The following UBE2F variants were observed in gnomAD, a reference collection of about 807,000 sequenced individuals.
UBE2F encodes ubiquitin conjugating enzyme E2 F (putative), also known as NEDD8-conjugating enzyme UBE2F.
In UBE2F, 5 loss-of-function variants were observed where a neutral mutation model predicts 29.6. The ratio of observed to expected loss-of-function variants is 0.17; its 90% CI spans 0.09 to 0.36. The LOEUF (loss-of-function observed/expected upper bound fraction) is 0.36, where lower values mean the gene tolerates loss of function less well. UBE2F is among the 10% of genes least tolerant of loss of function. The probability of loss-of-function intolerance (pLI) is 1.00; values close to 1 mark genes in which losing one functional copy is unlikely to be tolerated. For missense variants in UBE2F, 141 were observed against 228.5 expected (o/e 0.62, Z 2.47); for synonymous variants, 66 against 81.8 (o/e 0.81, Z 1.04).
chr2:238,014,963 G>T (rs1017432267), intron 4 of UBE2F, among the ~76,000 whole-genome samples: 1 of 152,138 alleles, frequency 6.6e-6, no homozygotes. Context: ...CTAGAAATAC[G>T]CATCTCAAGT....
intron 3 of UBE2F, chr2:237,990,304 AT>A: frequency 2.5e-6 from 1 of 403,902 alleles, no homozygotes. Context: ...TTATTAGGAC[AT>A]TTTCCTAATA....
chr2:237,994,865 C>T, intron 4 of UBE2F, 56 bp downstream of exon 4: 2 of 1,397,736 alleles, frequency 1.4e-6, no homozygotes, highest in South Asian at 2.3e-5. Flanking sequence ...ATAAAGGCTG[C>T]CCAAACCTGT....
At chr2:237,976,389 T>C (rs886728088) in intron 2 of UBE2F, among the ~76,000 whole-genome samples, 14 of 152,244 alleles carry the variant, frequency 9.2e-5, no homozygotes, top group African/African-American at 3.4e-4. Context: ...TAGTAGCTAA[T>C]AGGAGCTTTT....
chr2:237,986,701 A>C (rs1435021337), intron 2 of UBE2F, among the ~76,000 whole-genome samples: 1 of 152,224 alleles, frequency 6.6e-6, no homozygotes, highest in African/African-American at 2.4e-5. Context: ...ATGGTATAAG[A>C]TAAGAAGCCA....
intron 2 of UBE2F, among the ~76,000 whole-genome samples, chr2:237,976,542 G>C (rs1331769912): frequency 6.6e-6 from 1 of 152,200 alleles, no homozygotes; most frequent in Non-Finnish European, 1.5e-5. Flanking sequence ...AGTAGGATTG[G>C]TATCTGGTAC....
chr2:238,024,681 C>T (rs1427727336), intron 5 of UBE2F, among the ~76,000 whole-genome samples: 1 of 152,040 alleles, frequency 6.6e-6, no homozygotes, highest in Non-Finnish European at 1.5e-5. Context: ...CCAAAGTGAG[C>T]CACCATGCCC....
At chr2:238,026,033 A>G (rs1020040209) in intron 6 of UBE2F, among the ~76,000 whole-genome samples, 33 of 152,100 alleles carry the variant, frequency 2.2e-4, no homozygotes, top group African/African-American at 8.0e-4. Context: ...TTTTAAAGTA[A>G]GTTTCACATT....
intron 5 of UBE2F, among the ~76,000 whole-genome samples, chr2:238,021,334 C>T (rs1400502741): frequency 1.3e-5 from 2 of 152,196 alleles, no homozygotes; most frequent in African/African-American, 4.8e-5. Context: ...CCCACTCTCC[C>T]TTCTTCTTCA....
intron 1 of UBE2F, chr2:237,968,853 A>C (rs1012032060): frequency 3.0e-6 from 3 of 985,174 alleles, no homozygotes; most frequent in Admixed American, 6.1e-5. Flanking sequence ...GTTTTAAACC[A>C]GATCTTCAAG....
At chr2:238,035,203 C>G (rs1038046797) in intron 8 of UBE2F, 1 of 149,610 alleles carries the variant, frequency 6.7e-6, no homozygotes, top group Non-Finnish European at 1.5e-5. Flanking sequence ...GGCAAGCCCC[C>G]TGATTCTCAA....
chr2:237,979,892 C>T (rs1159565461), intron 2 of UBE2F, among the ~76,000 whole-genome samples: 2 of 152,232 alleles, frequency 1.3e-5, no homozygotes, highest in Non-Finnish European at 2.9e-5. Context: ...TACAGCCTTG[C>T]TCCTCCAGAG....
chr2:237,986,030 T>C, intron 2 of UBE2F: 1 of 208,828 alleles, frequency 4.8e-6, no homozygotes, highest in East Asian at 1.4e-4. Flanking sequence ...ATTTTTAATT[T>C]TTTTTTGCTA....
Position 237,967,239 on chromosome 2 carries a change from G to GGCCCGCCGGGTTCCTCAC in UBE2F, c.-17+111_-17+128dup, listed in dbSNP as rs2063073827. The GGCCCGCCGGGTTCCTCAC allele has an allele frequency of 1.3e-6, 1 of 779,692 alleles. No individual in the cohort carries two copies. Among genetic ancestry groups the GGCCCGCCGGGTTCCTCAC allele is most frequent in the Non-Finnish European group, 1.6e-6 (1 of 643,116 alleles). 48.3% of individuals were successfully genotyped at this position (779,692 alleles called of 1,614,324 possible). ...CGCGGGCGGTGGCGGGGCCGCCTCGGGCCCGCCGGGTTCCTCACGCCGGGG... is the reference window on the plus strand; with the variant it reads ...CGCGGGCGGTGGCGGGGCCGCCTCGGGCCCGCCGGGTTCCTCACGCCCGCCGGGTTCCTCACGCCGGGG... On this transcript the variant is annotated intron_variant, in intron 1 of 9. Coordinates refer to ENST00000272930, the MANE Select transcript of UBE2F (RefSeq NM_080678.3). The surrounding 1 kb of genome is among the most constrained non-coding windows in gnomAD (Gnocchi z 6.3).
chr2:238,002,181 C>T (rs1261645905), intron 4 of UBE2F, among the ~76,000 whole-genome samples: 1 of 151,854 alleles, frequency 6.6e-6, no homozygotes, highest in Admixed American at 6.6e-5. Context: ...TCTCCTGCCT[C>T]AGGCTACCAA....
rs778500538 is a variant in UBE2F at position 238,025,454 on chromosome 2, CAT to C, written c.353+43_353+44del. 3.9e-6 allele frequency: 6 copies of C among 1,539,092 alleles called. No individual in the cohort carries two copies. The African/African-American group carries it at 8.2e-5, about 21-fold the overall frequency. On this transcript the variant is annotated intron_variant, in intron 6 of 9. Transcript: ENST00000272930. ...TTCTTTCTTCTACATTCGTGAGTGT[CAT>C]GTGCAAGCGTTGGGCTTTTAAACAT...
intron 4 of UBE2F, among the ~76,000 whole-genome samples, chr2:238,002,768 C>T (rs2063822969): frequency 6.6e-6 from 1 of 151,840 alleles, no homozygotes; most frequent in East Asian, 1.9e-4. Context: ...TGCACCACCA[C>T]GCCTGGCTAA....
chr2:238,016,186 G>T (rs1279245339), intron 4 of UBE2F, among the ~76,000 whole-genome samples: 1 of 152,194 alleles, frequency 6.6e-6, no homozygotes, highest in African/African-American at 2.4e-5. Context: ...TTCTCTTGGG[G>T]AGACCAGCAG....
intron 4 of UBE2F, among the ~76,000 whole-genome samples, chr2:238,011,850 C>A (rs1027997223): frequency 2.0e-5 from 3 of 152,082 alleles, no homozygotes; most frequent in African/African-American, 4.8e-5. Context: ...TGTCTTTGGA[C>A]TTCAAAGTTA....
intron 5 of UBE2F, among the ~76,000 whole-genome samples, chr2:238,018,054 T>C (rs2064202050): frequency 6.6e-6 from 1 of 152,212 alleles, no homozygotes; most frequent in Non-Finnish European, 1.5e-5. Flanking sequence ...TTTTTAAATT[T>C]GTAGACAAAG....
Sources: allele counts gnomAD v4.1 joint callset (sites outside exome capture counted in the v4.1 genomes callset), GRCh38; gene constraint gnomAD v4.1.1; non-coding constraint Gnocchi (gnomAD v3.1); transcripts MANE v1.5; gene names NCBI Gene and HGNC (gene_info 2026-07-23, HGNC 2026-07-21).